Variants in ARHGAP15 observed in about 807,000 individuals in gnomAD.
The protein encoded by ARHGAP15 is rho GTPase-activating protein 15.
ARHGAP15 carries 51 observed loss-of-function variants against 63.7 expected under a neutral mutation model. The ratio of observed to expected loss-of-function variants is 0.80; its 90% CI spans 0.64 to 1.01. The LOEUF is 1.01. Ranked by LOEUF, ARHGAP15 falls within the 50% of genes least tolerant of loss-of-function variation. ARHGAP15 has a pLI of 0.00. For synonymous variants in ARHGAP15, 191 were observed against 193.8 expected (o/e 0.99, Z 0.12); for missense variants, 560 against 564.6 (o/e 0.99, Z 0.08).
chr2:143,334,663 C>T (rs1684694582), intron 6 of ARHGAP15, among the ~76,000 whole-genome samples: 1 of 151,858 alleles, frequency 6.6e-6, no homozygotes, highest in African/African-American at 2.4e-5. Flanking sequence ...TTATTTTATG[C>T]CTAATCACCA....
chr2:143,585,901 G>T (rs1416913942), intron 11 of ARHGAP15, among the ~76,000 whole-genome samples: 1 of 152,100 alleles, frequency 6.6e-6, no homozygotes, highest in Non-Finnish European at 1.5e-5. Context: ...GTAAGGGAAA[G>T]TGCCTTGCTG....
At position 143,231,069 on chromosome 2, in the gene ARHGAP15, C is replaced by CTTTTTTTT. The variant is rs914904536; in HGVS notation, c.384+2413_384+2420dup. ...AGTTGGACTCTAGGGGATGTAATTC[C>CTTTTTTTT]TTTTTTTTTTTTTTTTTTTACCACT... On this transcript the variant is annotated intron_variant, in intron 5 of 13. Transcript: ENST00000295095. Among the ~76,000 whole-genome samples, 65 of 125,418 alleles carry CTTTTTTTT rather than the reference C, an allele frequency of 5.2e-4. 4 individuals carry two copies. The highest frequency in any genetic ancestry group is 1.8e-3 in the African/African-American group (60 of 33,380). The allele number at this position is 125,418 out of a possible 152,430, so 82.3% of individuals were successfully genotyped here. A position where few individuals can be genotyped will look rare whatever the true frequency, so the allele number is the denominator to read the frequency against.
At chr2:143,418,293 G>A (rs1012794511) in intron 6 of ARHGAP15, among the ~76,000 whole-genome samples, 1 of 152,124 alleles carries the variant, frequency 6.6e-6, no homozygotes, top group African/African-American at 2.4e-5. Flanking sequence ...TCTTGGAGTT[G>A]TAGTTTCTCT....
chr2:143,268,091 A>C (rs554023602), intron 6 of ARHGAP15, among the ~76,000 whole-genome samples: 1 of 152,142 alleles, frequency 6.6e-6, no homozygotes, highest in African/African-American at 2.4e-5. Flanking sequence ...TTTTAGCAAA[A>C]GTACCAACTA....
At chr2:143,130,065 T>C (rs1300334053) in intron 1 of ARHGAP15, among the ~76,000 whole-genome samples, 5 of 152,118 alleles carry the variant, frequency 3.3e-5, no homozygotes, top group Admixed American at 6.5e-5. Context: ...GTGAAATGAG[T>C]GTAAGTTTCT....
At chr2:143,607,290 A>C (rs1404676323) in intron 11 of ARHGAP15, among the ~76,000 whole-genome samples, 1 of 152,160 alleles carries the variant, frequency 6.6e-6, no homozygotes, top group Non-Finnish European at 1.5e-5. Flanking sequence ...CACTTCTTTT[A>C]TGGCTGTATT....
At chr2:143,220,306 C>T (rs1412215936) in intron 4 of ARHGAP15, among the ~76,000 whole-genome samples, 2 of 152,074 alleles carry the variant, frequency 1.3e-5, no homozygotes, top group East Asian at 1.9e-4. Flanking sequence ...CACCCCCATC[C>T]ATCCACCCAC....
At chr2:143,742,762 C>T (rs1686009563) in intron 13 of ARHGAP15, among the ~76,000 whole-genome samples, 1 of 152,176 alleles carries the variant, frequency 6.6e-6, no homozygotes, top group African/African-American at 2.4e-5. Flanking sequence ...GAACCTGGCC[C>T]GGAGGCTTGT....
intron 1 of ARHGAP15, among the ~76,000 whole-genome samples, chr2:143,130,601 G>A (rs532066253): frequency 2.0e-5 from 3 of 152,002 alleles, no homozygotes; most frequent in Non-Finnish European, 2.9e-5. Flanking sequence ...TTTTGACATG[G>A]TCAATTTAGT....
At chr2:143,185,615 C>T (rs767213736) in intron 2 of ARHGAP15, among the ~76,000 whole-genome samples, 3 of 152,096 alleles carry the variant, frequency 2.0e-5, no homozygotes, top group African/African-American at 7.2e-5. Context: ...GATCCTCATT[C>T]CCGATAGATC....
intron 13 of ARHGAP15, among the ~76,000 whole-genome samples, chr2:143,762,736 A>G (rs1686804590): frequency 6.6e-6 from 1 of 152,038 alleles, no homozygotes; most frequent in Admixed American, 6.6e-5. Context: ...CAGAGCCTTT[A>G]TTATGCTTTT....
chr2:143,150,841 A>G (rs1689786034), intron 1 of ARHGAP15, among the ~76,000 whole-genome samples: 2 of 152,036 alleles, frequency 1.3e-5, no homozygotes, highest in South Asian at 4.1e-4. Context: ...TCTAGGAAGA[A>G]CAAGGGGAAT....
intron 8 of ARHGAP15, among the ~76,000 whole-genome samples, chr2:143,471,344 T>A (rs1691567032): frequency 2.0e-5 from 3 of 151,802 alleles, no homozygotes; most frequent in African/African-American, 7.3e-5. Context: ...TTAAAGATTA[T>A]CTGGGACCAG....
chr2:143,661,759 T>G (rs1436940144), intron 12 of ARHGAP15, among the ~76,000 whole-genome samples: 2 of 152,144 alleles, frequency 1.3e-5, no homozygotes, highest in Non-Finnish European at 2.9e-5. Flanking sequence ...TTGCCTCACT[T>G]GGGAAGCGCA....
At chr2:143,225,320 G>A (rs968256416) in intron 4 of ARHGAP15, among the ~76,000 whole-genome samples, 4 of 152,096 alleles carry the variant, frequency 2.6e-5, no homozygotes, top group African/African-American at 9.7e-5. Context: ...AAAAAACAGC[G>A]GCCGGGCGCG....
rs1209464915 is a variant in ARHGAP15 at position 143,285,547 on chromosome 2, A to G, written c.474+34947A>G. On this transcript the variant is annotated intron_variant, in intron 6 of 13. Transcript: ENST00000295095. ...TGAAAAATGCATTCTATGAACTACT[A>G]TAGCATAAAGGCTTTTGAATTTCTT... Among the ~76,000 whole-genome samples, 4 of 152,206 alleles carry G rather than the reference A, an allele frequency of 2.6e-5. No homozygotes were observed. In the East Asian group the frequency reaches 5.8e-4, roughly 22 times the overall value.
chr2:143,190,057 A>T (rs183394083), intron 2 of ARHGAP15, among the ~76,000 whole-genome samples: 2 of 152,178 alleles, frequency 1.3e-5, no homozygotes, highest in East Asian at 3.9e-4. Context: ...TTTTTTCTAA[A>T]GATTGTAAGC....
intron 12 of ARHGAP15, among the ~76,000 whole-genome samples, chr2:143,636,319 C>T (rs1375478647): frequency 6.6e-6 from 1 of 152,144 alleles, no homozygotes; most frequent in Non-Finnish European, 1.5e-5. Flanking sequence ...CTCTGAATAT[C>T]TAATTGGCAT....
chr2:143,441,484 T>G (rs929637596), intron 8 of ARHGAP15, among the ~76,000 whole-genome samples: 2 of 152,166 alleles, frequency 1.3e-5, no homozygotes, highest in Admixed American at 6.6e-5. Flanking sequence ...TTACACAAAG[T>G]TCTAGTTTAT....
Sources: gnomAD v4.1 joint callset for allele counts (sites outside exome capture counted in the v4.1 genomes callset) on GRCh38, gnomAD v4.1.1 for gene constraint, MANE v1.5 for transcripts, NCBI Gene and HGNC (gene_info 2026-07-23, HGNC 2026-07-21) for gene names.